Variants in NCOA7 observed in about 807,000 individuals in gnomAD.
NCOA7 encodes the protein 140 kDa estrogen receptor-associated protein.
A neutral mutation model predicts 104.3 loss-of-function variants in NCOA7; 45 were observed. The ratio of observed to expected loss-of-function variants is 0.43; its 90% CI spans 0.34 to 0.55. The LOEUF is 0.55. Among genes scored for constraint, NCOA7 ranks in the 20% least tolerant of loss-of-function variants. The pLI, the probability that NCOA7 is intolerant of heterozygous loss-of-function variation, is 0.02. For missense variants in NCOA7, 1,041 were observed against 1,119.7 expected (o/e 0.93, Z 1.00); for synonymous variants, 398 against 402.3 (o/e 0.99, Z 0.13).
intron 10 of NCOA7, among the ~76,000 whole-genome samples, chr6:125,910,045 T>A (rs1268802667): frequency 6.6e-6 from 1 of 152,232 alleles, no homozygotes; most frequent in Non-Finnish European, 1.5e-5. Flanking sequence ...CGTTTGGTCA[T>A]TTTTGTGGCT....
intron 3 of NCOA7, among the ~76,000 whole-genome samples, chr6:125,861,834 C>CGA (rs1253308902): frequency 3.3e-5 from 5 of 151,630 alleles, no homozygotes; most frequent in African/African-American, 1.2e-4. Context: ...TTCAGGAGTT[C>CGA]GAGACCAGCC....
At chr6:125,787,003 C>T (rs1397965145), upstream of NCOA7, among the ~76,000 whole-genome samples, 1 of 151,370 alleles carries the variant, frequency 6.6e-6, no homozygotes, top group Non-Finnish European at 1.5e-5. Context: ...AAAAATTAGC[C>T]GGGTGTGGTG....
chr6:125,908,361 T>A (rs976616456), intron 10 of NCOA7, among the ~76,000 whole-genome samples: 1 of 152,176 alleles, frequency 6.6e-6, no homozygotes, highest in African/African-American at 2.4e-5. Flanking sequence ...GATCTAAGTT[T>A]CAGAATCAGT....
intron 2 of NCOA7, among the ~76,000 whole-genome samples, chr6:125,831,629 T>C (rs943752366): frequency 5.3e-5 from 8 of 152,178 alleles, no homozygotes; most frequent in African/African-American, 1.9e-4. Flanking sequence ...GGATATGTCA[T>C]CCTTTTTAAT....
Position 125,930,765 on chromosome 6 carries a change from T to C in NCOA7, c.*1994T>C, listed in dbSNP as rs1340221448. The C allele has an allele frequency of 6.6e-6, 1 of 152,280 alleles. No homozygotes were observed. The highest frequency in any genetic ancestry group is 1.5e-5 in the Non-Finnish European group (1 of 68,042). 9.4% of individuals were successfully genotyped at this position (152,280 alleles called of 1,614,324 possible). A position where few individuals can be genotyped will look rare whatever the true frequency, so the allele number is the denominator to read the frequency against. On this transcript the variant is annotated 3_prime_UTR_variant, in exon 16 of 16. Transcript: ENST00000392477. ...ACTCAAGTTCTCCTACTGAGGACTC[T>C]TGACTAACAGCATACTGGCAGTTTC...
chr6:125,804,901 G>C (rs1362390272), intron 1 of NCOA7, among the ~76,000 whole-genome samples: 1 of 151,962 alleles, frequency 6.6e-6, no homozygotes, highest in Non-Finnish European at 1.5e-5. Context: ...TTAATTTAGT[G>C]AATTAAGAGA....
intron 1 of NCOA7, among the ~76,000 whole-genome samples, chr6:125,781,930 C>A (rs1306325414): frequency 6.6e-6 from 1 of 152,194 alleles, no homozygotes; most frequent in Non-Finnish European, 1.5e-5. Context: ...ATTGAACACA[C>A]ATATACCCTT....
chr6:125,887,538 G>A (rs779317711), intron 8 of NCOA7, among the ~76,000 whole-genome samples: 66 of 152,166 alleles, frequency 4.3e-4, no homozygotes, highest in Admixed American at 4.6e-4. Flanking sequence ...GCTTTTTAAA[G>A]CATTTGTTGG....
At chr6:125,794,069 G>A (rs1775090173) in intron 1 of NCOA7, among the ~76,000 whole-genome samples, 1 of 152,128 alleles carries the variant, frequency 6.6e-6, no homozygotes, top group Admixed American at 6.5e-5. Context: ...CTGTACTTTG[G>A]TACCTTGTTT....
chr6:125,902,157 C>T (rs982392900), intron 10 of NCOA7, among the ~76,000 whole-genome samples: 5 of 152,142 alleles, frequency 3.3e-5, no homozygotes, highest in Non-Finnish European at 7.3e-5. Context: ...GCCACAGGTC[C>T]AGGCTTGAGG....
intron 11 of NCOA7, among the ~76,000 whole-genome samples, chr6:125,917,101 A>T (rs539090770): frequency 6.6e-6 from 1 of 151,432 alleles, no homozygotes; most frequent in African/African-American, 2.4e-5. Flanking sequence ...ATTCTTACCC[A>T]CCTGTTAGAA....
chr6:125,926,934 C>A (rs1788084330), intron 13 of NCOA7, among the ~76,000 whole-genome samples: 1 of 152,184 alleles, frequency 6.6e-6, no homozygotes, highest in African/African-American at 2.4e-5. Flanking sequence ...AGTGGGCGTA[C>A]ACATTCTGAA....
intron 10 of NCOA7, among the ~76,000 whole-genome samples, chr6:125,914,185 A>G (rs1196351847): frequency 2.6e-5 from 4 of 152,252 alleles, no homozygotes; most frequent in Non-Finnish European, 5.9e-5. Context: ...TCATACAATT[A>G]AAGAAATACA....
intron 2 of NCOA7, among the ~76,000 whole-genome samples, chr6:125,839,788 A>G (rs1311082998): frequency 6.6e-6 from 1 of 152,110 alleles, no homozygotes; most frequent in East Asian, 1.9e-4. Flanking sequence ...TCATAGTGCA[A>G]CACATTACTC....
intron 10 of NCOA7, among the ~76,000 whole-genome samples, chr6:125,896,325 A>G (rs865974627): frequency 6.6e-6 from 1 of 152,110 alleles, no homozygotes; most frequent in South Asian, 2.1e-4. Context: ...TGCTTGGAAC[A>G]CTGAGTGTTA....
intron 10 of NCOA7, among the ~76,000 whole-genome samples, chr6:125,899,395 A>G (rs1326164628): frequency 2.0e-5 from 3 of 152,248 alleles, no homozygotes; most frequent in Admixed American, 6.5e-5. Context: ...TGGTGCCAAG[A>G]AGACCATAAT....
chr6:125,903,816 C>A (rs1785723738), intron 10 of NCOA7, among the ~76,000 whole-genome samples: 1 of 151,274 alleles, frequency 6.6e-6, no homozygotes, highest in South Asian at 2.1e-4. Context: ...AGCAATTCTT[C>A]TGCCTCAGCC....
At chr6:125,834,442 A>C (rs1351864211) in intron 2 of NCOA7, among the ~76,000 whole-genome samples, 1 of 152,196 alleles carries the variant, frequency 6.6e-6, no homozygotes, top group Non-Finnish European at 1.5e-5. Flanking sequence ...AGGGATGGAA[A>C]ATATCTTAAA....
intron 3 of NCOA7, among the ~76,000 whole-genome samples, chr6:125,873,580 C>T (rs1413854023): frequency 6.6e-6 from 1 of 152,184 alleles, no homozygotes; most frequent in East Asian, 1.9e-4. Flanking sequence ...TCCCCATTGC[C>T]ATAGATAATA....
Sources: gnomAD v4.1 joint callset for allele counts (sites outside exome capture counted in the v4.1 genomes callset) on GRCh38, gnomAD v4.1.1 for gene constraint, MANE v1.5 for transcripts, NCBI Gene and HGNC (gene_info 2026-07-23, HGNC 2026-07-21) for gene names.